NUP133: variants seen among roughly 807,000 people sequenced by gnomAD.
NUP133 encodes nucleoporin 133, also known as nuclear pore complex protein Nup133.
Under a neutral mutation model 146.2 loss-of-function variants are expected in NUP133, and 66 were observed. The observed-to-expected ratio is 0.45, with a 90% CI of 0.37 to 0.55. The LOEUF is 0.55. NUP133 is among the 20% of genes least tolerant of loss of function. The pLI is 0.00. For missense variants in NUP133, 1,277 were observed against 1,374.8 expected, an observed-to-expected ratio of 0.93 and a Z score of 1.12; for synonymous variants, 521 against 498.8, an observed-to-expected ratio of 1.04 and a Z score of -0.59.
chr1:229,452,839 G>A (rs1034442863), intron 21 of NUP133, among the ~76,000 whole-genome samples, 196 bp from the exon 22 acceptor site: 1 of 152,102 alleles, frequency 6.6e-6, no homozygotes, highest in African/African-American at 2.4e-5. Flanking sequence ...ACATATCCAT[G>A]GTTTGATCAA....
chr1:229,462,219 G>A (rs2102756306), intron 19 of NUP133, among the ~76,000 whole-genome samples: 1 of 152,256 alleles, frequency 6.6e-6, no homozygotes, highest in South Asian at 2.1e-4. Context: ...GTCATACCCA[G>A]TCAATGAAAT....
At chr1:229,482,714 G>T (rs758102249) in intron 12 of NUP133, among the ~76,000 whole-genome samples, 5 of 152,132 alleles carry the variant, frequency 3.3e-5, no homozygotes, top group African/African-American at 7.2e-5. Flanking sequence ...GCTTAGGCAC[G>T]CTCTCACTAC....
At chr1:229,446,198 G>A (rs1319544324) in intron 24 of NUP133, among the ~76,000 whole-genome samples, 1 of 152,046 alleles carries the variant, frequency 6.6e-6, no homozygotes, top group Non-Finnish European at 1.5e-5. Context: ...CCTGAGGTTG[G>A]GAGTTTGAGA....
In NUP133 at chr1:229,458,296, C is replaced by A; in HGVS notation, c.2845G>T (p.Ala949Ser). The A allele has an allele frequency of 6.2e-7, 1 of 1,610,534 alleles. No homozygotes were observed. The highest frequency in any genetic ancestry group is 8.5e-7 in the Non-Finnish European group (1 of 1,178,168). ...HEINSQELEK[A>S]HATLLGLANM... ...GCCAAACCCAGAAGTGTTGCATGAG[C>A]CTACAATAAAATATGCAAACCATCG... is the stretch of plus-strand genomic sequence containing the variant. Residue 949 changes from alanine (A) to serine (S), a missense_variant and splice_region_variant, in exon 21 of 26, where the codon GCT becomes TCT. Coordinates refer to ENST00000261396, the MANE Select transcript of NUP133 (RefSeq NM_018230.3).
intron 18 of NUP133, among the ~76,000 whole-genome samples, chr1:229,464,350 G>C (rs759450087): frequency 6.6e-6 from 1 of 152,074 alleles, no homozygotes; most frequent in African/African-American, 2.4e-5. Flanking sequence ...AGTTATTCAC[G>C]TAAAGGTCTG....
At chr1:229,496,822 T>A (rs1055751661) in intron 6 of NUP133, among the ~76,000 whole-genome samples, 3 of 152,046 alleles carry the variant, frequency 2.0e-5, no homozygotes, top group African/African-American at 7.2e-5. Flanking sequence ...TCTCTATTTT[T>A]AAAAATAAAT....
chr1:229,496,107 T>C (rs937492875), intron 6 of NUP133, 60 bp from the exon 7 acceptor site: 192 of 1,331,010 alleles, frequency 1.4e-4, no homozygotes, highest in Middle Eastern at 2.1e-4. Context: ...TAAGGAACTA[T>C]TGTTTTAAAA....
At chr1:229,465,592 C>A in intron 16 of NUP133, 73 bp from the exon 17 acceptor site, 1 of 1,148,736 alleles carries the variant, frequency 8.7e-7, no homozygotes, top group Non-Finnish European at 1.3e-6. Context: ...TAATTTAAGA[C>A]AGCAAAGTAA....
chr1:229,484,336 A>G lies in NUP133; in HGVS notation c.1501-191T>C, dbSNP rs545674604. On this transcript the variant is annotated intron_variant, in intron 11 of 25. Coordinates refer to ENST00000261396, the MANE Select transcript of NUP133 (RefSeq NM_018230.3). ...CTGGAAGAATCGTCTTGGCCCACAC[A>G]TAAAATACACTAACATTAATGATAG... 5.9e-5 allele frequency among the ~76,000 whole-genome samples: 9 copies of G among 152,226 alleles called. No individual in the cohort carries two copies. In the East Asian group the frequency reaches 1.5e-3, roughly 26 times the overall value.
Position 229,452,613 on chromosome 1 carries a change from T to A in NUP133, c.3011A>T (p.His1004Leu). ...CAGCTGTTCAGGTAGGGTCTCCTGA[T>A]GCAGTAGAAAGCGCTCCTGCTCAGC... The part of the protein sequence containing the change: ...EMAEQERFLL[H>L]QETLPEQLLA... Residue 1004 changes from histidine (H) to leucine (L), a missense_variant, in exon 22 of 26, where the codon CAT (histidine) becomes CTT (leucine). His to Leu is a moderately conservative substitution (Grantham distance 99, BLOSUM62 -3). Transcript: ENST00000261396. The A allele has an allele frequency of 6.2e-7, 1 of 1,613,422 alleles. No individual in the cohort carries two copies. Among genetic ancestry groups the A allele is most frequent in the Non-Finnish European group, 8.5e-7 (1 of 1,179,466 alleles).
Position 229,508,309 on chromosome 1 carries a change from C to G in NUP133, c.-60G>C, listed in dbSNP as rs1662001349. On this transcript the variant is annotated 5_prime_UTR_variant, in exon 1 of 26. Coordinates refer to ENST00000261396, the MANE Select transcript of NUP133 (RefSeq NM_018230.3). ...TCTGGCCGTCAGGTTGCAGCCTGGC[C>G]TGCGCGCGGAACTTAAACACCTAAG... 7.7e-7 allele frequency: 1 copy of G among 1,299,348 alleles called. No individual in the cohort carries two copies. The highest frequency in any genetic ancestry group is 1.6e-5 in the African/African-American group (1 of 64,378). 80.5% of individuals were successfully genotyped at this position (1,299,348 alleles called of 1,614,324 possible).
At chr1:229,494,771 C>T (rs1661611049) in intron 8 of NUP133, among the ~76,000 whole-genome samples, 1 of 152,108 alleles carries the variant, frequency 6.6e-6, no homozygotes, top group South Asian at 2.1e-4. Flanking sequence ...CTCAGCATAG[C>T]CACAAACATA....
intron 24 of NUP133, among the ~76,000 whole-genome samples, chr1:229,445,801 A>T (rs1441491074): frequency 6.6e-6 from 1 of 152,256 alleles, no homozygotes; most frequent in Non-Finnish European, 1.5e-5. Context: ...TCAAGTAGGC[A>T]GAAAGCTAGA....
At chr1:229,503,170 C>A (rs552588553) in intron 2 of NUP133, among the ~76,000 whole-genome samples, 1 of 151,696 alleles carries the variant, frequency 6.6e-6, no homozygotes, top group African/African-American at 2.4e-5. Flanking sequence ...CCTAGCTACT[C>A]GGGAGGCTGA....
intron 21 of NUP133, among the ~76,000 whole-genome samples, chr1:229,456,743 G>GTA (rs35686668): frequency 0.23 from 34,990 of 149,758 alleles, 4,718 homozygotes; most frequent in African/African-American, 0.37. Flanking sequence ...TGTGTATTGT[G>GTA]TATATATATA....
At position 229,441,904 on chromosome 1, in the gene NUP133, T is replaced by C; in HGVS notation, c.3471A>G (p.Ter1157=). ...NYEYYVQGQI[*] is the part of the protein sequence containing the mutation. ...AAACAATGGCCATTTTTAGAAAAAGTTATATTTGTCCCTGAACATAATATT... is the reference window on the plus strand; with the variant it reads ...AAACAATGGCCATTTTTAGAAAAAGCTATATTTGTCCCTGAACATAATATT... The change falls in exon 26 of 26, where the codon TAA becomes TAG. Residue 1157 remains the stop codon, a stop_retained_variant. Transcript: ENST00000261396. 1 of 1,562,264 alleles carries C rather than the reference T, an allele frequency of 6.4e-7. No individual in the cohort carries two copies. The highest frequency in any genetic ancestry group is 8.6e-7 in the Non-Finnish European group (1 of 1,161,632).
chr1:229,442,115 A>C, intron 25 of NUP133, 75 bp from the exon 26 acceptor site: 1 of 1,386,104 alleles, frequency 7.2e-7, no homozygotes, highest in Non-Finnish European at 9.8e-7. Context: ...ATTGATGACA[A>C]AAGCACCTGT....
At chr1:229,479,735 C>T (rs916619985) in intron 12 of NUP133, among the ~76,000 whole-genome samples, 3 of 152,184 alleles carry the variant, frequency 2.0e-5, no homozygotes, top group Admixed American at 2.0e-4. Flanking sequence ...TCCATTTTCA[C>T]ATAATGGCCC....
intron 1 of NUP133, 145 bp from the exon 2 acceptor site, chr1:229,506,303 T>G (rs145771425): frequency 3.4e-4 from 173 of 502,354 alleles, no homozygotes; most frequent in African/African-American, 2.9e-3. Context: ...ATGTAATATT[T>G]TTCATGTAAA....
Sources: gnomAD v4.1 joint callset for allele counts (sites outside exome capture counted in the v4.1 genomes callset) on GRCh38, gnomAD v4.1.1 for gene constraint, MANE v1.5 for transcripts, NCBI Gene and HGNC (gene_info 2026-07-23, HGNC 2026-07-21) for gene names.